EIF3E: variants seen among roughly 807,000 people sequenced by gnomAD.
EIF3E encodes the protein eIF-3 p48.
In EIF3E, 25 loss-of-function variants were observed where a neutral mutation model predicts 59.3. The observed-to-expected ratio is 0.42, with a 90% CI of 0.31 to 0.59. The LOEUF is 0.59. Among genes scored for constraint, EIF3E ranks in the 20% least tolerant of loss-of-function variants. The pLI, the probability that EIF3E is intolerant of heterozygous loss-of-function variation, is 0.15. For missense variants in EIF3E, 317 were observed against 534.3 expected, an observed-to-expected ratio of 0.59 and a Z score of 4.01; for synonymous variants, 176 against 170.2, an observed-to-expected ratio of 1.03 and a Z score of -0.26.
rs1177161055 is a variant in EIF3E, at chr8:108,229,483, A to C, written c.472-288T>G. 3.4e-5 allele frequency: 7 copies of C among 203,464 alleles called. No individual in the cohort carries two copies. The South Asian group carries it at 1.3e-3, about 38-fold the overall frequency. The allele number at this position is 203,464 out of a possible 1,614,324, so 12.6% of individuals were successfully genotyped here. ...ATAACCCACTTCAGATAATTTATACATAACTAATCAAATTTCAGGCACCTA... is the reference window on the plus strand; with the variant it reads ...ATAACCCACTTCAGATAATTTATACCTAACTAATCAAATTTCAGGCACCTA... On this transcript the variant is annotated intron_variant, in intron 5 of 12. Coordinates refer to ENST00000220849, the MANE Select transcript of EIF3E (RefSeq NM_001568.3).
intron 10 of EIF3E, among the ~76,000 whole-genome samples, chr8:108,212,028 A>G (rs1387201341): frequency 6.6e-6 from 1 of 152,202 alleles, no homozygotes; most frequent in African/African-American, 2.4e-5. Flanking sequence ...AGTACAATGA[A>G]TGTCAGATAC....
intron 4 of EIF3E, among the ~76,000 whole-genome samples, chr8:108,235,429 T>C (rs771307907): frequency 5.9e-5 from 9 of 152,212 alleles, no homozygotes; most frequent in Non-Finnish European, 1.2e-4. Flanking sequence ...CCTAGATCCC[T>C]TGCATGAGCA....
chr8:108,218,332 T>C (rs1289557043), intron 7 of EIF3E, among the ~76,000 whole-genome samples: 1 of 152,182 alleles, frequency 6.6e-6, no homozygotes, highest in African/African-American at 2.4e-5. Context: ...TACATACCCC[T>C]GAAAGCCTAA....
chr8:108,217,538 G>T, intron 7 of EIF3E, 78 bp from the exon 8 acceptor site: 1 of 1,234,742 alleles, frequency 8.1e-7, no homozygotes, highest in Non-Finnish European at 1.1e-6. Flanking sequence ...TCATTAGATT[G>T]TACTATTTCA....
Position 108,235,075 on chromosome 8 carries a change from A to G in EIF3E, c.394T>C (p.Tyr132His), listed in dbSNP as rs746720737. 3 of 1,576,168 alleles carry G rather than the reference A, an allele frequency of 1.9e-6. No individual in the cohort carries two copies. The highest frequency in any genetic ancestry group is 1.2e-5 in the South Asian group (1 of 83,648). ...TCGTACTGGAATTTTGCATATCTGT[A>G]GAGTGTATCTAAATATTCCTGCCTA... ...GFRQEYLDTL[Y>H]RYAKFQYECG... Residue 132 changes from tyrosine to histidine, a missense_variant, in exon 5 of 13, where the codon TAC (tyrosine) becomes CAC (histidine). Physicochemically the swap from Tyr to His is moderately conservative, Grantham distance 83. Around this residue, in one of 4 missense-constraint regions of EIF3E, gnomAD observed 242 missense variants for 398.0 expected, o/e 0.61. Coordinates refer to ENST00000220849, the MANE Select transcript of EIF3E (RefSeq NM_001568.3).
intron 9 of EIF3E, among the ~76,000 whole-genome samples, chr8:108,215,541 C>T (rs1238676476): frequency 6.6e-6 from 1 of 151,986 alleles, no homozygotes; most frequent in Non-Finnish European, 1.5e-5. Flanking sequence ...TGGTGTGAAC[C>T]CGGGAGGTGG....
intron 1 of EIF3E, among the ~76,000 whole-genome samples, chr8:108,246,295 G>GT (rs1815948132): frequency 7.2e-6 from 1 of 139,188 alleles, no homozygotes; most frequent in South Asian, 2.4e-4. Flanking sequence ...GGGGGGGGGG[G>GT]GCTGCTGTAT....
intron 1 of EIF3E, chr8:108,242,929 C>G (rs1815867770): frequency 6.5e-6 from 1 of 153,414 alleles, no homozygotes; most frequent in Non-Finnish European, 1.4e-5. Flanking sequence ...AATACAACTA[C>G]TTTGTAAGAT....
intron 12 of EIF3E, among the ~76,000 whole-genome samples, 189 bp from the exon 13 acceptor site, chr8:108,202,112 T>C (rs779565275): frequency 1.3e-5 from 2 of 152,030 alleles, no homozygotes; most frequent in African/African-American, 2.4e-5. Context: ...CCAAAATTAT[T>C]ATCTGGTATA....
At chr8:108,215,718 G>A (rs147134606) in intron 9 of EIF3E, among the ~76,000 whole-genome samples, 1 of 152,098 alleles carries the variant, frequency 6.6e-6, no homozygotes, top group African/African-American at 2.4e-5. Context: ...CCCATTTTGT[G>A]CCAAAATTTT....
rs574499786 is a variant in EIF3E at position 108,224,201 on chromosome 8, G to A, written c.722+4066C>T. ...TGCGCCACTGCACTTCAGCCTGGGC[G>A]ACAGAGTGAGACTCCGTCTCAAAAA... On this transcript the variant is annotated intron_variant, in intron 7 of 12. Coordinates refer to ENST00000220849, the MANE Select transcript of EIF3E (RefSeq NM_001568.3). 5.7e-4 allele frequency among the ~76,000 whole-genome samples: 86 copies of A among 151,354 alleles called. 2 individuals carry two copies. The highest frequency in any genetic ancestry group is 2.0e-3 in the African/African-American group (81 of 40,736).
At chr8:108,212,682 A>T (rs1815234433) in intron 10 of EIF3E, among the ~76,000 whole-genome samples, 1 of 152,154 alleles carries the variant, frequency 6.6e-6, no homozygotes, top group African/African-American at 2.4e-5. Flanking sequence ...CATGCCTGTA[A>T]TCTCAGCTAC....
chr8:108,240,057 G>C lies in EIF3E; in HGVS notation c.224C>G (p.Thr75Ser), dbSNP rs1389231852. ...CTGTTTCAGTTGTGCAACCACTGTG[G>C]TTCTTTTCTCTCTCAAAGCTAATTA... is the stretch of plus-strand genomic sequence containing the variant. Reference protein sequence around the residue: ...DIPHALREKRTTVVAQLKQLQ... With the variant: ...DIPHALREKRSTVVAQLKQLQ... Residue 75 changes from threonine to serine, a missense_variant, in exon 3 of 13, where the codon ACC becomes AGC. By Grantham distance (58) the Thr-to-Ser change is moderately conservative (BLOSUM62 1). This residue lies in a region of EIF3E where 242 missense variants were observed against 398.0 expected (regional missense o/e 0.61). Coordinates refer to ENST00000220849, the MANE Select transcript of EIF3E (RefSeq NM_001568.3). 2 of 1,613,814 alleles carry C rather than the reference G, an allele frequency of 1.2e-6. No individual in the cohort carries two copies. The highest frequency in any genetic ancestry group is 4.5e-5 in the East Asian group (2 of 44,858).
At chr8:108,241,500 G>A (rs987875835) in intron 2 of EIF3E, among the ~76,000 whole-genome samples, 1 of 151,176 alleles carries the variant, frequency 6.6e-6, no homozygotes, top group Non-Finnish European at 1.5e-5. Context: ...AGCAACCCAA[G>A]AACTGCAACA....
At position 108,237,453 on chromosome 8, in the gene EIF3E, C is replaced by T. The variant is rs28540648; in HGVS notation, c.324-1250G>A. 4.3e-3 allele frequency among the ~76,000 whole-genome samples: 649 copies of T among 152,204 alleles called. 4 individuals are homozygous for T. The highest frequency in any genetic ancestry group is 0.014 in the African/African-American group (600 of 41,532). On this transcript the variant is annotated intron_variant, in intron 3 of 12. Transcript: ENST00000220849. ...TTTTAGTAGAGATGAGGTTTCACCACGCTGGCCGGGCTGGTCTCATACTCC... is the reference window on the plus strand; with the variant it reads ...TTTTAGTAGAGATGAGGTTTCACCATGCTGGCCGGGCTGGTCTCATACTCC...
chr8:108,205,756 T>C (rs1205167727), intron 10 of EIF3E, among the ~76,000 whole-genome samples: 1 of 145,410 alleles, frequency 6.9e-6, no homozygotes, highest in African/African-American at 2.6e-5. Flanking sequence ...TGTCTTGATA[T>C]CACAGAGCTT....
chr8:108,224,723 G>A (rs1017348363), intron 7 of EIF3E, among the ~76,000 whole-genome samples: 6 of 151,368 alleles, frequency 4.0e-5, no homozygotes, highest in Non-Finnish European at 5.9e-5. Context: ...GTTCTTACTG[G>A]GGCAATAAAA....
Position 108,224,634 on chromosome 8 carries a change from A to G in EIF3E, c.722+3633T>C, listed in dbSNP as rs183437090. Among the ~76,000 whole-genome samples, 2 of 151,756 alleles carry G rather than the reference A, an allele frequency of 1.3e-5. 1 individual carries two copies. Among genetic ancestry groups the G allele is most frequent in the African/African-American group, 4.9e-5 (2 of 41,010 alleles). ...AAACACAGTACTTTTGTAAACAACT[A>G]AAAGTCATCATACTACTGAGTAGTT... is the stretch of plus-strand genomic sequence containing the variant. On this transcript the variant is annotated intron_variant, in intron 7 of 12. Transcript: ENST00000220849.
chr8:108,238,734 C>T (rs1461718359), intron 3 of EIF3E, among the ~76,000 whole-genome samples: 2 of 152,058 alleles, frequency 1.3e-5, no homozygotes, highest in East Asian at 1.9e-4. Flanking sequence ...GTAACACCTT[C>T]ACAAATCACA....
Sources: gnomAD v4.1 joint callset for allele counts (sites outside exome capture counted in the v4.1 genomes callset) on GRCh38, gnomAD v4.1.1 for gene constraint, gnomAD v4.1.1 regional missense constraint, MANE v1.5 for transcripts, NCBI Gene and HGNC (gene_info 2026-07-23, HGNC 2026-07-21) for gene names.